The following ERAP2 variants were observed in gnomAD, a reference collection of about 807,000 sequenced individuals.
ERAP2 encodes endoplasmic reticulum aminopeptidase 2.
A neutral mutation model predicts 111.1 loss-of-function variants in ERAP2; 118 were observed. That is an observed-to-expected ratio of 1.06 (90% CI 0.92 to 1.24). ERAP2 has a LOEUF of 1.24. Ranked by LOEUF, ERAP2 falls within the 50% of genes most tolerant of loss-of-function variation. The pLI is 0.00. For synonymous variants in ERAP2, 410 were observed against 401.2 expected, an observed-to-expected ratio of 1.02 and a Z score of -0.26; for missense variants, 1,131 against 1,125.8, an observed-to-expected ratio of 1.00 and a Z score of -0.07.
At chr5:96,900,442 G>A (rs954949070) in intron 10 of ERAP2, among the ~76,000 whole-genome samples, 19 of 152,098 alleles carry the variant, frequency 1.2e-4, no homozygotes, top group African/African-American at 1.7e-4. Context: ...ATATCTCAGC[G>A]CAAAATGTTT....
In ERAP2 at chr5:96,917,503, T is replaced by C. The variant is rs549155466; in HGVS notation, c.2781T>C (p.His927=). 4.3e-5 allele frequency: 69 copies of C among 1,613,554 alleles called. No homozygotes were observed. The South Asian group carries it at 7.2e-4, about 17-fold the overall frequency. Residue 927 remains histidine, a synonymous_variant, in exon 19 of 19, where the codon CAT becomes CAC. Coordinates refer to ENST00000437043, the MANE Select transcript of ERAP2 (RefSeq NM_022350.5). ...AATCTCTTGAGGCTCAAGGATCACA[T>C]CTGGATATTTTTCAAACTGTTCTGG... ...FFESLEAQGS[H]LDIFQTVLET... is the part of the protein sequence containing the mutation.
chr5:96,909,106 G>A lies in ERAP2; in HGVS notation c.2158G>A (p.Glu720Lys). The change falls in exon 14 of 19, where the codon GAA (glutamate) becomes AAA (lysine). Residue 720 changes from glutamate to lysine, a missense_variant. Around this residue, in one of 3 missense-constraint regions of ERAP2, gnomAD observed 847 missense variants for 856.5 expected, o/e 0.99. Transcript: ENST00000437043. The stretch of plus-strand genomic sequence containing the variant: ...CAGAAGGAATATTTCAGATATCTCT[G>A]AAAACCTCAAGGTTTGTGTTGCTTT... Reference protein sequence around the residue: ...MDRRNISDISENLKRYLLQYF... With the variant: ...MDRRNISDISKNLKRYLLQYF... The A allele has an allele frequency of 6.2e-7, 1 of 1,614,032 alleles. No individual in the cohort carries two copies. Among genetic ancestry groups the A allele is most frequent in the East Asian group, 2.2e-5 (1 of 44,878 alleles).
chr5:96,881,577 G>A, intron 2 of ERAP2: 1 of 439,922 alleles, frequency 2.3e-6, no homozygotes, highest in Non-Finnish European at 4.6e-6. Context: ...CCACACAGGG[G>A]CATATTTTTC....
intron 18 of ERAP2, among the ~76,000 whole-genome samples, chr5:96,916,723 C>T (rs1190661496): frequency 1.3e-5 from 2 of 151,224 alleles, no homozygotes; most frequent in Non-Finnish European, 2.9e-5. Context: ...CCACTTTGGC[C>T]TCCCGAAGTG....
chr5:96,916,760 CCTAT>C (rs1240914929), intron 18 of ERAP2, among the ~76,000 whole-genome samples: 1 of 120,874 alleles, frequency 8.3e-6, no homozygotes, highest in African/African-American at 3.0e-5. Context: ...GAGCCACCAG[CCTAT>C]CTTTTTTTTT....
chr5:96,898,174 T>C (rs540959489), intron 9 of ERAP2, among the ~76,000 whole-genome samples: 2 of 152,088 alleles, frequency 1.3e-5, no homozygotes, highest in African/African-American at 4.8e-5. Flanking sequence ...CCAGCCTGGG[T>C]GACAGAGTGA....
At chr5:96,911,134 G>T (rs1275556459) in intron 15 of ERAP2, among the ~76,000 whole-genome samples, 1 of 152,158 alleles carries the variant, frequency 6.6e-6, no homozygotes, top group Non-Finnish European at 1.5e-5. Context: ...GGCAAATTAT[G>T]TCATCTTGTG....
intron 2 of ERAP2, among the ~76,000 whole-genome samples, chr5:96,881,922 G>A (rs1330386528): frequency 2.6e-5 from 4 of 152,138 alleles, no homozygotes; most frequent in African/African-American, 9.7e-5. Flanking sequence ...TCTCTTATCT[G>A]GACTTGTTGC....
rs386358295 is a variant in ERAP2 at position 96,911,866 on chromosome 5, C to CAAA, written c.2355-758_2355-756dup. Among the ~76,000 whole-genome samples, 89 of 56,650 alleles carry CAAA rather than the reference C, an allele frequency of 1.6e-3. 2 individuals carry two copies. The highest frequency in any genetic ancestry group is 5.2e-3 in the African/African-American group (77 of 14,832). The allele number at this position is 56,650 out of a possible 152,430, so 37.2% of individuals were successfully genotyped here. A position where few individuals can be genotyped will look rare whatever the true frequency, so the allele number is the denominator to read the frequency against. Reference sequence around the variant, plus strand: ...TGAACAACAGAGTAAGACCCTGTCTCAAAAAAAAAAAAAAAGAAAGAAAGA... The same window carrying CAAA: ...TGAACAACAGAGTAAGACCCTGTCTCAAAAAAAAAAAAAAAAAAGAAAGAAAGA... On this transcript the variant is annotated intron_variant, in intron 15 of 18. Coordinates refer to ENST00000437043, the MANE Select transcript of ERAP2 (RefSeq NM_022350.5).
At chr5:96,879,275 T>A (rs1368165393) in intron 1 of ERAP2, among the ~76,000 whole-genome samples, 1 of 152,158 alleles carries the variant, frequency 6.6e-6, no homozygotes, top group African/African-American at 2.4e-5. Context: ...GTTAAAAACA[T>A]TCAACATGCA....
Position 96,886,681 on chromosome 5 carries a change from T to A in ERAP2, c.741T>A (p.Gly247=). The change falls in exon 4 of 19, where the codon GGT becomes GGA. Residue 247 remains glycine, a synonymous_variant. Coordinates refer to ENST00000437043, the MANE Select transcript of ERAP2 (RefSeq NM_022350.5). ...TTAAGACAATTGAACTTGAAGGAGG[T>A]CTTTTGGAAGATCACTTTGAAACTA... ...PKVKTIELEG[G]LLEDHFETTV... The A allele has an allele frequency of 6.5e-7, 1 of 1,550,014 alleles. No individual in the cohort carries two copies. The highest frequency in any genetic ancestry group is 8.8e-7 in the Non-Finnish European group (1 of 1,135,190).
chr5:96,906,154 C>T (rs1014149405), intron 13 of ERAP2, among the ~76,000 whole-genome samples: 3 of 150,826 alleles, frequency 2.0e-5, no homozygotes, highest in Non-Finnish European at 2.9e-5. Flanking sequence ...GTCTCCAGAG[C>T]CATTCTCTTA....
At chr5:96,880,866 G>A (rs1039686049) in intron 2 of ERAP2, 5 of 159,856 alleles carry the variant, frequency 3.1e-5, no homozygotes, top group Admixed American at 2.9e-4. Flanking sequence ...CAAGGTAATT[G>A]GCCAGTGTTA....
At chr5:96,883,653 GT>G in intron 2 of ERAP2, 138 bp from the exon 3 acceptor site, 1 of 822,070 alleles carries the variant, frequency 1.2e-6, no homozygotes, top group South Asian at 1.9e-5. Flanking sequence ...CAAAGAGACA[GT>G]TGAGATTCAC....
chr5:96,901,552 C>CA lies in ERAP2; in HGVS notation c.1620dup (p.Trp541MetfsTer13). 1 of 1,614,088 alleles carries CA rather than the reference C, an allele frequency of 6.2e-7. No homozygotes were observed. The highest frequency in any genetic ancestry group is 8.5e-7 in the Non-Finnish European group (1 of 1,179,966). On this transcript the variant is annotated frameshift_variant, in exon 11 of 19. Coordinates refer to ENST00000437043, the MANE Select transcript of ERAP2 (RefSeq NM_022350.5). LOFTEE classifies it high-confidence loss of function. ...GCAGAGGTCAAAGAGATGATGACTA[C>CA]ATGGACTCTCCAGAAAGGAATCCCC...
intron 4 of ERAP2, among the ~76,000 whole-genome samples, chr5:96,887,102 C>CAT (rs1561365658): frequency 2.8e-4 from 3 of 10,842 alleles, no homozygotes; most frequent in African/African-American, 6.0e-4. Context: ...TATATATATA[C>CAT]ACACACACAC....
In ERAP2 at chr5:96,880,244, C is replaced by T. The variant is rs1782991831; in HGVS notation, c.559C>T (p.Leu187Phe). The T allele has an allele frequency of 1.9e-6, 3 of 1,609,508 alleles. No homozygotes were observed. Among genetic ancestry groups the T allele is most frequent in the Non-Finnish European group, 2.5e-6 (3 of 1,177,586 alleles). The change falls in exon 2 of 19, where the codon CTT (leucine) becomes TTT (phenylalanine). Residue 187 changes from leucine to phenylalanine, a missense_variant. Coordinates refer to ENST00000437043, the MANE Select transcript of ERAP2 (RefSeq NM_022350.5). Reference protein sequence around the residue: ...EGFYKSTYRTLGGETRILAVT... With the variant: ...EGFYKSTYRTFGGETRILAVT... ...GTTTTATAAAAGCACATACAGAACT[C>T]TTGGTGGTGAAACAAGGTAAGAACT...
At chr5:96,912,862 A>C (rs904662074) in intron 16 of ERAP2, 64 bp downstream of exon 16, 9 of 1,365,644 alleles carry the variant, frequency 6.6e-6, no homozygotes, top group Admixed American at 2.5e-5. Context: ...GAAGTCACTA[A>C]AACTTCAGCC....
rs756003105 is a variant in ERAP2 at position 96,909,052 on chromosome 5, T to A, written c.2104T>A (p.Tyr702Asn). Residue 702 changes from tyrosine to asparagine, a missense_variant, in exon 14 of 19, where the codon TAC (tyrosine) becomes AAC (asparagine). By Grantham distance (143) the Tyr-to-Asn change is moderately radical. Transcript: ENST00000437043. ...CCCCGCACTTCTCGAAGGTCTGAGT[T>A]ACTTGGAATCGTTTTACCACATGAT... ...SSPALLEGLS[Y>N]LESFYHMMDR... The A allele has an allele frequency of 6.2e-7, 1 of 1,614,066 alleles. No individual in the cohort carries two copies. Among genetic ancestry groups the A allele is most frequent in the African/African-American group, 1.3e-5 (1 of 74,936 alleles).
Sources: gnomAD v4.1 joint callset for allele counts (sites outside exome capture counted in the v4.1 genomes callset) on GRCh38, gnomAD v4.1.1 for gene constraint, gnomAD v4.1.1 regional missense constraint, MANE v1.5 for transcripts, NCBI Gene and HGNC (gene_info 2026-07-23, HGNC 2026-07-21) for gene names.